Variants in FYCO1 observed in about 807,000 individuals in gnomAD.
FYCO1 encodes the protein FYVE and coiled-coil domain-containing protein 1.
FYCO1 carries 122 observed loss-of-function variants against 165.1 expected under a neutral mutation model. The ratio of observed to expected loss-of-function variants is 0.74; its 90% CI spans 0.64 to 0.86. FYCO1 has a LOEUF of 0.86. Among genes scored for constraint, FYCO1 ranks in the 40% least tolerant of loss-of-function variants. FYCO1 has a pLI of 0.00. For missense variants in FYCO1, 1,702 were observed against 1,810.3 expected (o/e 0.94, Z 1.09); for synonymous variants, 648 against 742.5 (o/e 0.87, Z 2.07).
intron 2 of FYCO1, among the ~76,000 whole-genome samples, chr3:45,982,006 T>C (rs1707085579): frequency 2.0e-5 from 3 of 152,224 alleles, no homozygotes; most frequent in Admixed American, 2.0e-4. Context: ...CCCTGAATAC[T>C]GACTTCCAGA....
At chr3:45,939,901 T>A (rs1354446465) in intron 14 of FYCO1, among the ~76,000 whole-genome samples, 2 of 152,226 alleles carry the variant, frequency 1.3e-5, no homozygotes, top group Non-Finnish European at 2.9e-5. Flanking sequence ...ACATTTCAAG[T>A]GCTCAATTCA....
chr3:45,981,264 A>T (rs1291604774), intron 3 of FYCO1, among the ~76,000 whole-genome samples: 1 of 152,264 alleles, frequency 6.6e-6, no homozygotes, highest in Non-Finnish European at 1.5e-5. Flanking sequence ...CCAAAGGGGT[A>T]TGTAACTGTC....
rs773967962 is a variant in FYCO1 at position 45,959,409 on chromosome 3, G to A, written c.3571C>T (p.Arg1191Trp). Reference protein sequence around the residue: ...DCKREFSWMVRRHHCRICGRI... With the variant: ...DCKREFSWMVWRHHCRICGRI... ...CCTGCTGACCTGCAGTGGTGCCGCC[G>A]CACCATCCAGCTGAACTCCCGCTTA... Residue 1191 changes from arginine to tryptophan, a missense_variant, in exon 12 of 18, where the codon CGG (arginine) becomes TGG (tryptophan). Transcript: ENST00000296137. 1.1e-5 allele frequency: 18 copies of A among 1,613,806 alleles called. No homozygotes were observed. Among genetic ancestry groups the A allele is most frequent in the African/African-American group, 5.3e-5 (4 of 74,924 alleles).
intron 16 of FYCO1, among the ~76,000 whole-genome samples, chr3:45,930,427 C>T (rs1263372009): frequency 6.6e-6 from 1 of 151,936 alleles, no homozygotes; most frequent in Non-Finnish European, 1.5e-5. Context: ...TTGGCTTCAA[C>T]CCCCTGATCT....
In FYCO1 at chr3:45,944,510, ACTTCCAAAGTTGTAGATT is replaced by A. The variant is rs1314077730; in HGVS notation, c.3945-7985_3945-7968del. ...TTCATCATTATCAGACTTTTACACT[ACTTCCAAAGTTGTAGATT>A]TTTTTTTTAATTTTCAGAAAACAAA... On this transcript the variant is annotated intron_variant, in intron 14 of 17. Coordinates refer to ENST00000296137, the MANE Select transcript of FYCO1 (RefSeq NM_024513.4). Among the ~76,000 whole-genome samples, 7 of 152,292 alleles carry A rather than the reference ACTTCCAAAGTTGTAGATT, an allele frequency of 4.6e-5. No individual in the cohort carries two copies. The East Asian group carries it at 1.3e-3, about 29-fold the overall frequency.
intron 14 of FYCO1, among the ~76,000 whole-genome samples, chr3:45,939,386 C>T (rs1559445196): frequency 6.6e-6 from 1 of 152,212 alleles, no homozygotes; most frequent in Admixed American, 6.5e-5. Context: ...CAGGCAGCCC[C>T]TGGCACTGTA....
intron 13 of FYCO1, among the ~76,000 whole-genome samples, chr3:45,957,666 A>T (rs1427306900): frequency 3.3e-5 from 5 of 152,270 alleles, no homozygotes; most frequent in African/African-American, 9.6e-5. Flanking sequence ...CAACAACATA[A>T]TGGGGCCTGC....
chr3:45,931,625 C>A (rs998955418), intron 15 of FYCO1, among the ~76,000 whole-genome samples: 1 of 152,226 alleles, frequency 6.6e-6, no homozygotes, highest in Non-Finnish European at 1.5e-5. Flanking sequence ...GAAGCAAGTG[C>A]CGAGGCACAG....
rs1324872455 is a variant in FYCO1 at position 45,965,129 on chromosome 3, G to A, written c.3058-4C>T. On this transcript the variant is annotated splice_polypyrimidine_tract_variant and splice_region_variant and intron_variant, in intron 8 of 17. Transcript: ENST00000296137. ...TCTTGCACTCTTCACCAGCATTCTAGAGAGGACAAGAAAGAAAGAGGACAT... is the reference window on the plus strand; with the variant it reads ...TCTTGCACTCTTCACCAGCATTCTAAAGAGGACAAGAAAGAAAGAGGACAT... 1.2e-6 allele frequency: 2 copies of A among 1,611,718 alleles called. No individual in the cohort carries two copies. The highest frequency in any genetic ancestry group is 1.7e-6 in the Non-Finnish European group (2 of 1,178,314).
chr3:45,977,727 C>T (rs987083297), intron 4 of FYCO1, among the ~76,000 whole-genome samples: 2 of 152,146 alleles, frequency 1.3e-5, no homozygotes, highest in Non-Finnish European at 2.9e-5. Flanking sequence ...TGAGCCCATA[C>T]TGAATCTCCA....
intron 16 of FYCO1, among the ~76,000 whole-genome samples, chr3:45,929,689 C>G (rs1703497420): frequency 6.6e-6 from 1 of 152,106 alleles, no homozygotes; most frequent in Non-Finnish European, 1.5e-5. Flanking sequence ...CTACAAGCCC[C>G]AAAAGAATAA....
chr3:45,978,981 C>G (rs1706907623), intron 4 of FYCO1, among the ~76,000 whole-genome samples: 1 of 151,758 alleles, frequency 6.6e-6, no homozygotes, highest in Non-Finnish European at 1.5e-5. Context: ...CTCAGCCTCC[C>G]GCGTAGCTGG....
At chr3:45,951,743 T>G (rs1233030145) in intron 14 of FYCO1, among the ~76,000 whole-genome samples, 1 of 152,202 alleles carries the variant, frequency 6.6e-6, no homozygotes. Context: ...GGTCCTGCTC[T>G]GCACCACCAT....
intron 1 of FYCO1, among the ~76,000 whole-genome samples, chr3:45,986,168 C>T (rs1161840823): frequency 1.3e-5 from 2 of 152,222 alleles, no homozygotes. Context: ...AGAGACTGAA[C>T]TCTGGTCAGT....
intron 15 of FYCO1, among the ~76,000 whole-genome samples, chr3:45,931,625 C>T (rs998955418): frequency 6.6e-6 from 1 of 152,226 alleles, no homozygotes. Flanking sequence ...GAAGCAAGTG[C>T]CGAGGCACAG....
Position 45,966,503 on chromosome 3 carries a change from C to T in FYCO1, c.2831G>A (p.Arg944Gln), listed in dbSNP as rs543095427. ...AGCTACTTGGCGCTCCAGGCCCTCTCGCTCCCTTGAGGCTGCCTCTTTGGC... is the reference window on the plus strand; with the variant it reads ...AGCTACTTGGCGCTCCAGGCCCTCTTGCTCCCTTGAGGCTGCCTCTTTGGC... ...QDAKEAASRE[R>Q]EGLERQVAGL... is the part of the protein sequence containing the mutation. The change falls in exon 8 of 18, where the codon CGA (arginine) becomes CAA (glutamine). Residue 944 changes from arginine to glutamine, a missense_variant. Transcript: ENST00000296137. 8.1e-6 allele frequency: 13 copies of T among 1,612,440 alleles called. No individual in the cohort carries two copies. In the East Asian group the frequency reaches 8.9e-5, roughly 11 times the overall value.
chr3:45,920,712 T>A lies in FYCO1; in HGVS notation c.*1053A>T, dbSNP rs1224337836. 6.5e-6 allele frequency: 1 copy of A among 152,710 alleles called. No homozygotes were observed. Among genetic ancestry groups the A allele is most frequent in the African/African-American group, 2.4e-5 (1 of 41,434 alleles). The allele number at this position is 152,710 out of a possible 1,614,324, so 9.5% of individuals were successfully genotyped here. On this transcript the variant is annotated 3_prime_UTR_variant, in exon 18 of 18. Transcript: ENST00000296137. ...TCAGGAGGGGAGTGGGGCCCAGGGA[T>A]CCATCATGCCTCTGTTTACTCTGTT...
intron 2 of FYCO1, 36 bp from the exon 3 acceptor site, chr3:45,981,712 G>C (rs1177803017): frequency 9.3e-6 from 13 of 1,392,072 alleles, no homozygotes; most frequent in Non-Finnish European, 1.3e-5. Flanking sequence ...TAACCAGATA[G>C]TGACTAAACT....
intron 10 of FYCO1, among the ~76,000 whole-genome samples, chr3:45,963,267 G>A (rs1705804381): frequency 6.6e-6 from 1 of 152,040 alleles, no homozygotes; most frequent in Non-Finnish European, 1.5e-5. Flanking sequence ...AATAAAATAA[G>A]TTGGCAAATA....
Sources: gnomAD v4.1 joint callset for allele counts (sites outside exome capture counted in the v4.1 genomes callset) on GRCh38, gnomAD v4.1.1 for gene constraint, MANE v1.5 for transcripts, NCBI Gene and HGNC (gene_info 2026-07-23, HGNC 2026-07-21) for gene names.